NSUN3: variants seen among roughly 807,000 people sequenced by gnomAD.
The protein encoded by NSUN3 is NOP2/Sun RNA methyltransferase 3, also known as tRNA (cytosine(34)-C(5))-methyltransferase, mitochondrial.
NSUN3 carries 24 observed loss-of-function variants against 36.8 expected under a neutral mutation model. The ratio of observed to expected loss-of-function variants is 0.65; its 90% CI spans 0.47 to 0.92. NSUN3 has a LOEUF of 0.92. Among genes scored for constraint, NSUN3 ranks in the 40% least tolerant of loss-of-function variants. The pLI is 0.00. For missense variants in NSUN3, 381 were observed against 392.8 expected (o/e 0.97, Z 0.25); for synonymous variants, 146 against 145.2 (o/e 1.01, Z -0.04).
At chr3:94,093,658 T>C (rs113481395) in intron 3 of NSUN3, among the ~76,000 whole-genome samples, 290 of 152,236 alleles carry the variant, frequency 1.9e-3, no homozygotes, top group African/African-American at 6.7e-3. Context: ...TTAAAAGGAA[T>C]AATGGTTCCT....
chr3:94,081,819 A>G lies in NSUN3; in HGVS notation c.123-2288A>G, dbSNP rs72929721. The G allele has an allele frequency of 8.6e-4, 131 of 152,324 alleles. 1 individual carries two copies. Among genetic ancestry groups the G allele is most frequent in the Non-Finnish European group, 1.5e-3 (104 of 68,020 alleles). 9.4% of individuals were successfully genotyped at this position (152,324 alleles called of 1,614,324 possible). A position where few individuals can be genotyped will look rare whatever the true frequency, so the allele number is the denominator to read the frequency against. ...ATTGACTGCAATAAAGATGTGAAATATCTCCAAGTTTAAAGCATTTAATAT... is the reference window on the plus strand; with the variant it reads ...ATTGACTGCAATAAAGATGTGAAATGTCTCCAAGTTTAAAGCATTTAATAT... On this transcript the variant is annotated intron_variant, in intron 2 of 5. Transcript: ENST00000314622.
At chr3:94,072,587 G>C (rs1292794544) in intron 2 of NSUN3, among the ~76,000 whole-genome samples, 2 of 152,128 alleles carry the variant, frequency 1.3e-5, no homozygotes, top group African/African-American at 4.8e-5. Flanking sequence ...AGAGAGGAAA[G>C]GTTATTCAGG....
chr3:94,076,690 A>G lies in NSUN3; in HGVS notation c.123-7417A>G, dbSNP rs2077247967. ...AGTCTGAGTTGCAGTCTCCAGAAAG[A>G]TCTGGTTTAGGATGTTTTGTATAGT... On this transcript the variant is annotated intron_variant, in intron 2 of 5. Transcript: ENST00000314622. 5 of 1,241,580 alleles carry G rather than the reference A, an allele frequency of 4.0e-6. 1 individual carries two copies. In the Admixed American group the frequency reaches 8.5e-5, roughly 21 times the overall value. 76.9% of individuals were successfully genotyped at this position (1,241,580 alleles called of 1,614,324 possible). A position where few individuals can be genotyped will look rare whatever the true frequency, so the allele number is the denominator to read the frequency against.
At chr3:94,095,292 A>T (rs975883868) in intron 5 of NSUN3, 138 bp downstream of exon 5, 25 of 802,058 alleles carry the variant, frequency 3.1e-5, no homozygotes, top group Non-Finnish European at 4.6e-5. Flanking sequence ...CACTCAAAAA[A>T]TTCCCAACTT....
chr3:94,099,044 A>C (rs2077354439), intron 5 of NSUN3, among the ~76,000 whole-genome samples: 1 of 152,154 alleles, frequency 6.6e-6, no homozygotes, highest in African/African-American at 2.4e-5. Context: ...TTGTTTAAAA[A>C]CAGTATATTA....
chr3:94,082,460 G>A (rs911081509), intron 2 of NSUN3, among the ~76,000 whole-genome samples: 1 of 152,094 alleles, frequency 6.6e-6, no homozygotes, highest in Non-Finnish European at 1.5e-5. Context: ...AAACAGATAC[G>A]CCAGGCTCCT....
At chr3:94,123,856 C>T (rs1262614450) in intron 5 of NSUN3, among the ~76,000 whole-genome samples, 1 of 151,976 alleles carries the variant, frequency 6.6e-6, no homozygotes, top group African/African-American at 2.4e-5. Context: ...TCTAACTGTC[C>T]CATTTAAAAT....
At chr3:94,098,200 TTCAA>T (rs776997987) in intron 5 of NSUN3, among the ~76,000 whole-genome samples, 2 of 152,174 alleles carry the variant, frequency 1.3e-5, no homozygotes, top group Admixed American at 6.6e-5. Context: ...TTCTCATATA[TTCAA>T]TCAATCACTA....
intron 5 of NSUN3, among the ~76,000 whole-genome samples, chr3:94,109,482 T>G (rs1285523564): frequency 6.6e-6 from 1 of 152,232 alleles, no homozygotes; most frequent in African/African-American, 2.4e-5. Flanking sequence ...GTCTGTTTTA[T>G]TGCGTCACTG....
At chr3:94,097,652 G>A (rs925711068) in intron 5 of NSUN3, among the ~76,000 whole-genome samples, 7 of 152,120 alleles carry the variant, frequency 4.6e-5, no homozygotes, top group African/African-American at 1.7e-4. Flanking sequence ...CTCCAAAAAG[G>A]CTATACCAGT....
chr3:94,097,805 C>T lies in NSUN3; in HGVS notation c.743+2651C>T, dbSNP rs150326015. 3.3e-5 allele frequency among the ~76,000 whole-genome samples: 5 copies of T among 152,192 alleles called. No individual in the cohort carries two copies. In the East Asian group the frequency reaches 9.7e-4, roughly 29 times the overall value. ...TCTTCATATATTATTTAACTCGCTC[C>T]TCATCAGCTCATCCCACAAATTTTG... On this transcript the variant is annotated intron_variant, in intron 5 of 5. Transcript: ENST00000314622.
In NSUN3 at chr3:94,086,341, G is replaced by A. The variant is rs887337932; in HGVS notation, c.466+1891G>A. Among the ~76,000 whole-genome samples, 10 of 152,332 alleles carry A rather than the reference G, an allele frequency of 6.6e-5. No individual in the cohort carries two copies. In the South Asian group the frequency reaches 1.0e-3, roughly 16 times the overall value. On this transcript the variant is annotated intron_variant, in intron 3 of 5. Transcript: ENST00000314622. ...TCTACCATAATAAGATTCTAGATGTGTGGGAAGCTTGCTTGTCATTTGTAA... is the reference window on the plus strand; with the variant it reads ...TCTACCATAATAAGATTCTAGATGTATGGGAAGCTTGCTTGTCATTTGTAA...
chr3:94,105,255 T>C (rs2077383998), intron 5 of NSUN3, among the ~76,000 whole-genome samples: 1 of 152,200 alleles, frequency 6.6e-6, no homozygotes, highest in South Asian at 2.1e-4. Context: ...CAACGACTTT[T>C]ATGATCCAAA....
intron 3 of NSUN3, among the ~76,000 whole-genome samples, chr3:94,088,720 T>G (rs1283426022): frequency 6.6e-6 from 1 of 150,874 alleles, no homozygotes; most frequent in Non-Finnish European, 1.5e-5. Flanking sequence ...TCGCCTAGGC[T>G]GGGGTGCAGT....
chr3:94,115,673 C>T (rs1408202748), intron 5 of NSUN3, among the ~76,000 whole-genome samples: 1 of 152,118 alleles, frequency 6.6e-6, no homozygotes, highest in Non-Finnish European at 1.5e-5. Flanking sequence ...CAAAAGATGG[C>T]ACTGTTGCTG....
intron 2 of NSUN3, among the ~76,000 whole-genome samples, chr3:94,073,747 G>A (rs1320553653): frequency 6.6e-6 from 1 of 152,114 alleles, no homozygotes; most frequent in East Asian, 1.9e-4. Flanking sequence ...CATTCTGTAG[G>A]TTGCCTGTTC....
At chr3:94,066,975 T>G (rs957564246) in intron 2 of NSUN3, among the ~76,000 whole-genome samples, 2 of 152,268 alleles carry the variant, frequency 1.3e-5, no homozygotes, top group African/African-American at 4.8e-5. Flanking sequence ...TCTAAGCCCT[T>G]GGAATGTGCT....
rs2077503470 is a variant in NSUN3, at chr3:94,129,976, G to A, written c.*3486G>A. Among the ~76,000 whole-genome samples the A allele has an allele frequency of 6.6e-6, 1 of 151,908 alleles. No individual in the cohort carries two copies. Among genetic ancestry groups the A allele is most frequent in the South Asian group, 2.1e-4 (1 of 4,818 alleles). On this transcript the variant is annotated 3_prime_UTR_variant, in exon 6 of 6. Transcript: ENST00000314622. ...CCACCATCTTGGCCAGGTTGATCTT[G>A]AACTCCTGACCTTGTCATCCACCTG...
At position 94,130,962 on chromosome 3, in the gene NSUN3, G is replaced by C. The variant is rs1196860432; in HGVS notation, c.*4472G>C. 6.6e-6 allele frequency among the ~76,000 whole-genome samples: 1 copy of C among 151,932 alleles called. No individual in the cohort carries two copies. The highest frequency in any genetic ancestry group is 2.4e-5 in the African/African-American group (1 of 41,352). ...CCTCCCACTGTCCCCAACCCAGCTA[G>C]AGTGCAGTGGTGTCATCATGGCTCA... On this transcript the variant is annotated 3_prime_UTR_variant, in exon 6 of 6. Coordinates refer to ENST00000314622, the MANE Select transcript of NSUN3 (RefSeq NM_022072.5).
Sources: allele counts gnomAD v4.1 joint callset (sites outside exome capture counted in the v4.1 genomes callset), GRCh38; gene constraint gnomAD v4.1.1; transcripts MANE v1.5; gene names NCBI Gene and HGNC (gene_info 2026-07-23, HGNC 2026-07-21).